TCF4: variants seen among roughly 807,000 people sequenced by gnomAD.
The protein encoded by TCF4 is transcription factor 4.
In TCF4, 3 loss-of-function variants were observed where a neutral mutation model predicts 82.1. The observed-to-expected ratio is 0.04, with a 90% confidence interval of 0.02 to 0.09. TCF4 has a LOEUF of 0.09. Among genes scored for constraint, TCF4 ranks in the 10% least tolerant of loss-of-function variants. TCF4 has a pLI of 1.00. For missense variants in TCF4, 518 were observed against 852.7 expected (o/e 0.61, Z 4.89); for synonymous variants, 276 against 309.6 (o/e 0.89, Z 1.14).
intron 8 of TCF4, among the ~76,000 whole-genome samples, chr18:55,282,284 A>C (rs1196906024): frequency 6.6e-6 from 1 of 152,092 alleles, no homozygotes; most frequent in African/African-American, 2.4e-5. Flanking sequence ...CTGAATAATG[A>C]AATGGTCACA....
At chr18:55,439,447 G>A (rs545840075) in intron 5 of TCF4, among the ~76,000 whole-genome samples, 1 of 152,140 alleles carries the variant, frequency 6.6e-6, no homozygotes, top group African/African-American at 2.4e-5. Context: ...GGAAAGAGGT[G>A]GGGTTGCTTA....
chr18:55,297,682 TTGTTTGCG>T (rs1361109304), intron 8 of TCF4, among the ~76,000 whole-genome samples: 1 of 152,114 alleles, frequency 6.6e-6, no homozygotes, highest in East Asian at 1.9e-4. Context: ...GGTCTGATGG[TTGTTTGCG>T]TGCATTACAA....
At chr18:55,497,970 C>G (rs2096655970) in intron 3 of TCF4, among the ~76,000 whole-genome samples, 1 of 152,194 alleles carries the variant, frequency 6.6e-6, no homozygotes, top group East Asian at 1.9e-4. Context: ...AAGCACTACC[C>G]ACTTGTTATA....
At chr18:55,432,466 T>C (rs1281804061) in intron 5 of TCF4, among the ~76,000 whole-genome samples, 1 of 152,154 alleles carries the variant, frequency 6.6e-6, no homozygotes, top group African/African-American at 2.4e-5. Context: ...CACTTTACCC[T>C]ATACAACCTT....
At chr18:55,539,412 C>T (rs887584826) in intron 3 of TCF4, among the ~76,000 whole-genome samples, 35 of 152,136 alleles carry the variant, frequency 2.3e-4, no homozygotes, top group African/African-American at 8.2e-4. Flanking sequence ...TAAATTTATA[C>T]TATTTGCTTA....
intron 11 of TCF4, among the ~76,000 whole-genome samples, chr18:55,262,234 C>A (rs377328298): frequency 1.3e-5 from 2 of 151,990 alleles, no homozygotes; most frequent in East Asian, 3.9e-4. Context: ...TTTTTATCTA[C>A]AAAAGAGAAG....
chr18:55,298,194 C>A (rs1464644615), intron 8 of TCF4, among the ~76,000 whole-genome samples: 1 of 152,216 alleles, frequency 6.6e-6, no homozygotes, highest in Non-Finnish European at 1.5e-5. Context: ...CATTTCCCAG[C>A]AGACTCTTTG....
At chr18:55,591,281 C>A (rs1200582087), upstream of TCF4, 1 of 152,150 alleles carries the variant, frequency 6.6e-6, no homozygotes, top group African/African-American at 2.4e-5. Context: ...AGCATCATCC[C>A]CAATTCTCAG....
chr18:55,276,322 A>G (rs941419516), intron 9 of TCF4, among the ~76,000 whole-genome samples: 2 of 152,212 alleles, frequency 1.3e-5, no homozygotes, highest in African/African-American at 2.4e-5. Context: ...AGGATATTTT[A>G]TTTTTATTTT....
chr18:55,509,416 T>G (rs2096800298), intron 3 of TCF4, among the ~76,000 whole-genome samples: 1 of 152,104 alleles, frequency 6.6e-6, no homozygotes, highest in Non-Finnish European at 1.5e-5. Context: ...CTACTTGTTT[T>G]TTCAGCTTTA....
At chr18:55,521,831 C>T (rs1468336281) in intron 3 of TCF4, among the ~76,000 whole-genome samples, 1 of 152,168 alleles carries the variant, frequency 6.6e-6, no homozygotes, top group Non-Finnish European at 1.5e-5. Context: ...TTTTAGAAAG[C>T]TAACTAACTA....
At position 55,418,375 on chromosome 18, in the gene TCF4, T is replaced by C. The variant is rs541311988; in HGVS notation, c.305-14857A>G. On this transcript the variant is annotated intron_variant, in intron 5 of 19. Transcript: ENST00000354452. ...CTGGTGGTCTTAAACTTATCATTTG[T>C]TAATAATCTAATGTAACATTATATT... Among the ~76,000 whole-genome samples, 44 of 152,290 alleles carry C rather than the reference T, an allele frequency of 2.9e-4. No homozygotes were observed. The South Asian group carries it at 8.9e-3, about 31-fold the overall frequency.
chr18:55,456,859 T>A (rs1042825163), intron 5 of TCF4, among the ~76,000 whole-genome samples: 5 of 152,142 alleles, frequency 3.3e-5, no homozygotes, highest in African/African-American at 1.2e-4. Flanking sequence ...ATGGACCACC[T>A]AGGAAGGTTT....
chr18:55,581,381 T>C (rs1425798175), intron 3 of TCF4, among the ~76,000 whole-genome samples: 17 of 152,214 alleles, frequency 1.1e-4, no homozygotes, highest in Non-Finnish European at 1.5e-5. Context: ...ACATTTCTAA[T>C]GGGTTTCTAT....
At chr18:55,379,387 A>C (rs1442001299) in intron 6 of TCF4, among the ~76,000 whole-genome samples, 1 of 152,216 alleles carries the variant, frequency 6.6e-6, no homozygotes, top group East Asian at 1.9e-4. Flanking sequence ...AAGCCTCTGA[A>C]GTGTAGGGGA....
chr18:55,289,781 A>T (rs1444707595), intron 8 of TCF4, among the ~76,000 whole-genome samples: 1 of 152,070 alleles, frequency 6.6e-6, no homozygotes, highest in East Asian at 1.9e-4. Context: ...TTTTAGGTTT[A>T]CTCCAATGTT....
intron 3 of TCF4, among the ~76,000 whole-genome samples, chr18:55,500,167 G>C (rs920966093): frequency 1.3e-5 from 2 of 152,138 alleles, no homozygotes; most frequent in Admixed American, 6.5e-5. Context: ...GGGCGACAGA[G>C]GGAGACTTTG....
At chr18:55,464,012 TTC>T (rs1197872453) in intron 4 of TCF4, 62 bp downstream of exon 4, 1 of 1,342,046 alleles carries the variant, frequency 7.5e-7, no homozygotes, top group African/African-American at 1.5e-5. Context: ...GAAACACACC[TTC>T]TGTTTGTCAA....
intron 9 of TCF4, among the ~76,000 whole-genome samples, chr18:55,276,648 G>C (rs894379702): frequency 2.6e-5 from 4 of 152,100 alleles, no homozygotes; most frequent in Non-Finnish European, 5.9e-5. Context: ...CTACATTACT[G>C]CTAAATTCAT....
Sources: allele counts gnomAD v4.1 joint callset (sites outside exome capture counted in the v4.1 genomes callset), GRCh38; gene constraint gnomAD v4.1.1; transcripts MANE v1.5; gene names NCBI Gene and HGNC (gene_info 2026-07-23, HGNC 2026-07-21).